The following USP2 variants were observed in gnomAD, a reference collection of about 807,000 sequenced individuals.
The protein encoded by USP2 is ubiquitin specific peptidase 2.
USP2 carries 33 observed loss-of-function variants against 72.0 expected under a neutral mutation model. The ratio of observed to expected loss-of-function variants is 0.46; its 90% CI spans 0.35 to 0.61. USP2 has a LOEUF of 0.61. USP2 is among the 20% of genes least tolerant of loss of function. USP2 has a pLI of 0.01. For synonymous variants in USP2, 296 were observed against 312.5 expected (o/e 0.95, Z 0.56); for missense variants, 691 against 797.8 (o/e 0.87, Z 1.61).
At chr11:119,376,187 T>G in intron 1 of USP2, 1 of 985,542 alleles carries the variant, frequency 1.0e-6, no homozygotes, top group Non-Finnish European at 1.2e-6. Context: ...ACCTTCCAGG[T>G]GAAAGCACAG....
At chr11:119,376,069 T>C (rs1181324588) in intron 1 of USP2, among the ~76,000 whole-genome samples, 2 of 152,334 alleles carry the variant, frequency 1.3e-5, no homozygotes, top group South Asian at 2.1e-4. Flanking sequence ...CGGCTCTGAC[T>C]TCTAGCTACA....
Position 119,372,764 on chromosome 11 carries a change from C to A in USP2, c.717G>T (p.Thr239=). The stretch of plus-strand genomic sequence containing the variant: ...TGGGCCCAGGGGCCTGACCCTTTCC[C>A]GTCTCCCACAGCGTGTAGCGGCCAA... ...RPIGRYTLWE[T]GKGQAPGPSR... is the part of the protein sequence containing the mutation. The change falls in exon 2 of 13, where the codon ACG becomes ACT. Residue 239 remains threonine, a synonymous_variant. Transcript: ENST00000260187. 1 of 1,559,794 alleles carries A rather than the reference C, an allele frequency of 6.4e-7. No individual in the cohort carries two copies. The highest frequency in any genetic ancestry group is 8.6e-7 in the Non-Finnish European group (1 of 1,156,692).
chr11:119,359,489 G>A (rs368542143), intron 4 of USP2, 48 bp downstream of exon 4: 62 of 1,610,798 alleles, frequency 3.8e-5, no homozygotes, highest in Non-Finnish European at 5.3e-5. Context: ...CAGTGGAGTG[G>A]AGGAGCATCC....
Position 119,381,552 on chromosome 11 carries a change from G to A in USP2, c.-121C>T. 6.5e-7 allele frequency: 1 copy of A among 1,535,998 alleles called. No individual in the cohort carries two copies. Among genetic ancestry groups the A allele is most frequent in the Non-Finnish European group, 8.7e-7 (1 of 1,146,830 alleles). On this transcript the variant is annotated 5_prime_UTR_variant, in exon 1 of 13. Coordinates refer to ENST00000260187, the MANE Select transcript of USP2 (RefSeq NM_004205.5). Reference sequence around the variant, plus strand: ...GGTGAGTCCCGGCTGGCGCTGGCGCGGCGCAGTGAGCACCAGCTGACGAAG... The same window carrying A: ...GGTGAGTCCCGGCTGGCGCTGGCGCAGCGCAGTGAGCACCAGCTGACGAAG...
rs527357769 is a variant in USP2 at position 119,380,826 on chromosome 11, G to A, written c.-42+647C>T. ...GGGGATGTTCTCATGCCCATTCCAG[G>A]GGAGGTGAGCAGCCCCTACCACTAC... is the stretch of plus-strand genomic sequence containing the variant. On this transcript the variant is annotated intron_variant, in intron 1 of 12. Coordinates refer to ENST00000260187, the MANE Select transcript of USP2 (RefSeq NM_004205.5). 1.5e-3 allele frequency: 229 copies of A among 156,772 alleles called. 1 individual carries two copies. Among genetic ancestry groups the A allele is most frequent in the African/African-American group, 4.9e-3 (206 of 41,652 alleles). 9.7% of individuals were successfully genotyped at this position (156,772 alleles called of 1,614,324 possible).
intron 2 of USP2, chr11:119,364,233 C>G: frequency 9.3e-7 from 1 of 1,076,678 alleles, no homozygotes; most frequent in Non-Finnish European, 1.1e-6. Flanking sequence ...CGCCTCGGGC[C>G]CCGCGACGTC....
intron 7 of USP2, chr11:119,358,560 C>A (rs1468279620): frequency 1.1e-5 from 7 of 633,510 alleles, no homozygotes; most frequent in Non-Finnish European, 1.9e-5. Context: ...AGGTGATCTA[C>A]CCGCCTTGGC....
chr11:119,361,013 A>G (rs1019133797), intron 2 of USP2, among the ~76,000 whole-genome samples: 3 of 152,236 alleles, frequency 2.0e-5, no homozygotes, highest in Non-Finnish European at 4.4e-5. Flanking sequence ...AAGTTAAACA[A>G]CAAAACACCT....
At position 119,373,084 on chromosome 11, in the gene USP2, C is replaced by T. The variant is rs768321080; in HGVS notation, c.397G>A (p.Gly133Arg). The change falls in exon 2 of 13, where the codon GGG (glycine) becomes AGG (arginine). Residue 133 changes from glycine to arginine, a missense_variant. Transcript: ENST00000260187. ...SYLPINAYDQ[G>R]VTLTQKLDSQ... ...TCCAGCTTCTGGGTTAGGGTCACCC[C>T]CTGGTCATAGGCATTGATGGGCAGG... is the stretch of plus-strand genomic sequence containing the variant. The T allele has an allele frequency of 4.7e-5, 76 of 1,613,968 alleles. 2 individuals are homozygous for T. In the South Asian group the frequency reaches 8.2e-4, roughly 17 times the overall value.
rs188183711 is a variant in USP2, at chr11:119,375,228, C to T, written c.-41-1707G>A. Among the ~76,000 whole-genome samples the T allele has an allele frequency of 8.5e-5, 13 of 152,200 alleles. No individual in the cohort carries two copies. In the East Asian group the frequency reaches 1.2e-3, roughly 14 times the overall value. On this transcript the variant is annotated intron_variant, in intron 1 of 12. Transcript: ENST00000260187. ...AGGAGCTGGTGCCAAACCCCAAATG[C>T]GAGGGCTTGGCAGAAAGCTCTAGAA...
chr11:119,363,469 T>C (rs1950796120), intron 2 of USP2, among the ~76,000 whole-genome samples: 1 of 151,962 alleles, frequency 6.6e-6, no homozygotes, highest in Admixed American at 6.5e-5. Flanking sequence ...CGCCGGGGTT[T>C]GGCCTCGGAG....
chr11:119,364,066 G>A (rs1211117027), intron 2 of USP2: 1 of 1,278,730 alleles, frequency 7.8e-7, no homozygotes, highest in African/African-American at 1.6e-5. Context: ...GAGTCCCCGC[G>A]CGGTGCCACA....
intron 2 of USP2, among the ~76,000 whole-genome samples, chr11:119,365,898 G>T (rs7929563): frequency 0.057 from 7,968 of 140,772 alleles, 737 homozygotes; most frequent in African/African-American, 0.19. Flanking sequence ...TATTTGTTTT[G>T]TTTTTTTTTT....
chr11:119,373,602 G>T, intron 1 of USP2, 81 bp from the exon 2 acceptor site: 1 of 1,323,042 alleles, frequency 7.6e-7, no homozygotes, highest in Non-Finnish European at 1.0e-6. Context: ...CCTCAGCTGG[G>T]CCAGAACCTC....
At chr11:119,357,052 C>A (rs1950669990) in intron 12 of USP2, 130 bp from the exon 13 acceptor site, 2 of 1,392,746 alleles carry the variant, frequency 1.4e-6, no homozygotes, top group Middle Eastern at 2.6e-4. Flanking sequence ...GGCTTCGTGG[C>A]CTTAAACTTT....
At chr11:119,371,515 C>T (rs904912514) in intron 2 of USP2, among the ~76,000 whole-genome samples, 1 of 152,140 alleles carries the variant, frequency 6.6e-6, no homozygotes, top group African/African-American at 2.4e-5. Flanking sequence ...TGCCACTTCA[C>T]AGATGGCACA....
rs370215437 is a variant in USP2 at position 119,372,736 on chromosome 11, G to A, written c.745C>T (p.Arg249Cys). The change falls in exon 2 of 13, where the codon CGC becomes TGC. Residue 249 changes from arginine to cysteine, a missense_variant. Physicochemically the swap from Arg to Cys is radical, Grantham distance 180. Coordinates refer to ENST00000260187, the MANE Select transcript of USP2 (RefSeq NM_004205.5). ...CCGTCTCTTCCCGGGGAGCTGGAGC[G>A]GCTGGGCCCAGGGGCCTGACCCTTT... ...TGKGQAPGPS[R>C]SSSPGRDGMN... 17 of 1,527,046 alleles carry A rather than the reference G, an allele frequency of 1.1e-5. No individual in the cohort carries two copies. Among genetic ancestry groups the A allele is most frequent in the Non-Finnish European group, 1.4e-5 (16 of 1,140,724 alleles). 94.6% of individuals were successfully genotyped at this position (1,527,046 alleles called of 1,614,324 possible).
intron 2 of USP2, among the ~76,000 whole-genome samples, chr11:119,366,190 C>T (rs576567588): frequency 2.6e-5 from 4 of 152,294 alleles, no homozygotes; most frequent in East Asian, 1.9e-4. Context: ...CCACCACGCC[C>T]GGCCTATTAC....
At chr11:119,364,191 C>T (rs1456937988) in intron 2 of USP2, 6 of 1,170,228 alleles carry the variant, frequency 5.1e-6, no homozygotes, top group Admixed American at 4.6e-5. Context: ...GGTCCCGGCT[C>T]TCGCGCTCCG....
Sources: allele counts gnomAD v4.1 joint callset (sites outside exome capture counted in the v4.1 genomes callset), GRCh38; gene constraint gnomAD v4.1.1; transcripts MANE v1.5; gene names NCBI Gene and HGNC (gene_info 2026-07-23, HGNC 2026-07-21).